PTPRD: variants seen among roughly 807,000 people sequenced by gnomAD.
PTPRD encodes the protein protein tyrosine phosphatase receptor type D, also known as receptor-type tyrosine-protein phosphatase delta.
Under a neutral mutation model 214.5 loss-of-function variants are expected in PTPRD, and 34 were observed. The observed-to-expected ratio is 0.16, with a 90% CI of 0.12 to 0.21. PTPRD has a LOEUF of 0.21. Ranked by LOEUF, PTPRD falls within the 10% of genes least tolerant of loss-of-function variation. The probability of loss-of-function intolerance (pLI) is 1.00; values close to 1 mark genes in which losing one functional copy is unlikely to be tolerated. For synonymous variants in PTPRD, 1,128 were observed against 845.7 expected (o/e 1.33, Z -5.79); for missense variants, 2,545 against 2,398.7 (o/e 1.06, Z -1.27).
At chr9:9,688,549 A>C (rs879480061) in intron 7 of PTPRD, among the ~76,000 whole-genome samples, 2 of 151,902 alleles carry the variant, frequency 1.3e-5, no homozygotes, top group African/African-American at 2.4e-5. Flanking sequence ...ACAGTCATAA[A>C]TAGTAGAACC....
Position 8,697,376 on chromosome 9 carries a change from T to A in PTPRD, c.64+36404A>T, listed in dbSNP as rs1263926757. ...TGGAATTTTCAGATTGTAAGTTTGT[T>A]GTTGATTTGGGATTTTTTATTATTT... On this transcript the variant is annotated intron_variant, in intron 12 of 45. Transcript: ENST00000381196. 1.3e-5 allele frequency among the ~76,000 whole-genome samples: 2 copies of A among 151,606 alleles called. 1 individual carries two copies. Among genetic ancestry groups the A allele is most frequent in the Admixed American group, 1.3e-4 (2 of 15,232 alleles).
At chr9:10,444,480 T>C (rs1474710234) in intron 2 of PTPRD, among the ~76,000 whole-genome samples, 1 of 151,824 alleles carries the variant, frequency 6.6e-6, no homozygotes, top group Admixed American at 6.6e-5. Flanking sequence ...TTCTTAACTT[T>C]CTTTACTGAG....
chr9:9,634,575 C>A (rs112310037), intron 7 of PTPRD, among the ~76,000 whole-genome samples: 271 of 152,228 alleles, frequency 1.8e-3, no homozygotes, highest in African/African-American at 6.2e-3. Context: ...TTGATCATAT[C>A]TTTACCAGGT....
At chr9:10,014,379 C>T (rs1261872014) in intron 4 of PTPRD, among the ~76,000 whole-genome samples, 1 of 151,948 alleles carries the variant, frequency 6.6e-6, no homozygotes, top group African/African-American at 2.4e-5. Flanking sequence ...TTACTTTTCA[C>T]ATTTTATTAT....
intron 14 of PTPRD, among the ~76,000 whole-genome samples, chr9:8,573,447 C>G (rs1309473209): frequency 6.6e-6 from 1 of 151,648 alleles, no homozygotes; most frequent in Non-Finnish European, 1.5e-5. Context: ...TTGGGGAGAC[C>G]CTGGATCATC....
chr9:10,355,659 G>A (rs994211219), intron 2 of PTPRD, among the ~76,000 whole-genome samples: 1 of 151,868 alleles, frequency 6.6e-6, no homozygotes, highest in African/African-American at 2.4e-5. Flanking sequence ...TGTATTTTTA[G>A]TAGAGACGGG....
At chr9:10,092,730 G>A (rs1369507223) in intron 3 of PTPRD, among the ~76,000 whole-genome samples, 1 of 151,530 alleles carries the variant, frequency 6.6e-6, no homozygotes, top group Non-Finnish European at 1.5e-5. Context: ...AACCAAAACA[G>A]CATAGTATTG....
At chr9:9,498,477 C>A (rs2096280098) in intron 8 of PTPRD, among the ~76,000 whole-genome samples, 1 of 152,128 alleles carries the variant, frequency 6.6e-6, no homozygotes, top group Admixed American at 6.6e-5. Flanking sequence ...AGGGAACTTT[C>A]TCCAGAGCCT....
chr9:8,944,911 T>C (rs1407243435), intron 11 of PTPRD, among the ~76,000 whole-genome samples: 2 of 152,094 alleles, frequency 1.3e-5, no homozygotes, highest in South Asian at 2.1e-4. Context: ...ACAATTGGAA[T>C]GTTCGTAACA....
intron 6 of PTPRD, among the ~76,000 whole-genome samples, chr9:9,760,906 G>C (rs1282459285): frequency 6.6e-6 from 1 of 152,142 alleles, no homozygotes; most frequent in African/African-American, 2.4e-5. Context: ...ACCACCAAAT[G>C]CTGGCAGGGA....
Position 8,590,028 on chromosome 9 carries a change from G to T in PTPRD, c.352+43289C>A, listed in dbSNP as rs757117072. Among the ~76,000 whole-genome samples the T allele has an allele frequency of 4.6e-5, 7 of 152,064 alleles. No individual in the cohort carries two copies. The South Asian group carries it at 1.0e-3, about 23-fold the overall frequency. Reference sequence around the variant, plus strand: ...AAGATTTCTGGGGTTATGAACGTCGGTTTTTGCAATGTTCACGAGGTTCCA... The same window carrying T: ...AAGATTTCTGGGGTTATGAACGTCGTTTTTTGCAATGTTCACGAGGTTCCA... On this transcript the variant is annotated intron_variant, in intron 14 of 45. Transcript: ENST00000381196.
intron 14 of PTPRD, among the ~76,000 whole-genome samples, chr9:8,608,030 C>T (rs1348705748): frequency 3.3e-5 from 5 of 152,150 alleles, no homozygotes; most frequent in African/African-American, 9.7e-5. Context: ...GCTTTTACGA[C>T]GCACTGCATT....
At chr9:8,418,323 T>C (rs1448538006) in intron 35 of PTPRD, among the ~76,000 whole-genome samples, 2 of 152,144 alleles carry the variant, frequency 1.3e-5, no homozygotes, top group Non-Finnish European at 2.9e-5. Context: ...TCTTACATGC[T>C]TCCATGTGTG....
At chr9:10,279,589 T>C (rs1040078323) in intron 3 of PTPRD, among the ~76,000 whole-genome samples, 2 of 152,118 alleles carry the variant, frequency 1.3e-5, no homozygotes, top group African/African-American at 4.8e-5. Context: ...ATTTATATCT[T>C]ACTCAAGCTA....
intron 7 of PTPRD, among the ~76,000 whole-genome samples, chr9:9,665,220 G>A (rs1302985350): frequency 6.6e-6 from 1 of 151,480 alleles, no homozygotes; most frequent in Non-Finnish European, 1.5e-5. Context: ...TTCTTGTAAC[G>A]AATAAAACCT....
chr9:9,760,936 T>A (rs148158227), intron 6 of PTPRD, among the ~76,000 whole-genome samples: 1 of 152,276 alleles, frequency 6.6e-6, no homozygotes, highest in Non-Finnish European at 1.5e-5. Flanking sequence ...ATGAGCTAAC[T>A]CATACATCAC....
intron 39 of PTPRD, among the ~76,000 whole-genome samples, chr9:8,344,198 AATCGTTT>A (rs1167691879): frequency 2.0e-5 from 3 of 152,112 alleles, no homozygotes; most frequent in African/African-American, 7.2e-5. Context: ...TGCAGCTGTG[AATCGTTT>A]CTCATGGACA....
In PTPRD at chr9:9,460,488, G is replaced by GA. The variant is rs1325334816; in HGVS notation, c.-236-63007dup. On this transcript the variant is annotated intron_variant, in intron 8 of 45. Transcript: ENST00000381196. The stretch of plus-strand genomic sequence containing the variant: ...AAATAATCTAAACGAATCAACATTA[G>GA]AAAAAAACAAATCCATTAAAAAGTG... Among the ~76,000 whole-genome samples the GA allele has an allele frequency of 4.6e-5, 7 of 151,656 alleles. No homozygotes were observed. In the East Asian group the frequency reaches 1.4e-3, roughly 30 times the overall value.
chr9:9,640,225 T>A (rs770316571), intron 7 of PTPRD, among the ~76,000 whole-genome samples: 2 of 152,168 alleles, frequency 1.3e-5, no homozygotes, highest in Non-Finnish European at 2.9e-5. Context: ...GCATGTGATC[T>A]AAATATGGCC....
Sources: gnomAD v4.1 joint callset for allele counts (sites outside exome capture counted in the v4.1 genomes callset) on GRCh38, gnomAD v4.1.1 for gene constraint, MANE v1.5 for transcripts, NCBI Gene and HGNC (gene_info 2026-07-23, HGNC 2026-07-21) for gene names.